The following NEMP2 variants were observed in gnomAD, a reference collection of about 807,000 sequenced individuals.
NEMP2 encodes UPF0571 transmembrane protein.
NEMP2 carries 53 observed loss-of-function variants against 54.2 expected under a neutral mutation model. The ratio of observed to expected loss-of-function variants is 0.98; its 90% CI spans 0.78 to 1.23. The LOEUF is 1.23. Among genes scored for constraint, NEMP2 ranks in the 50% most tolerant of loss-of-function variants. The probability of loss-of-function intolerance (pLI) is 0.00; values close to 1 mark genes in which losing one functional copy is unlikely to be tolerated. For synonymous variants in NEMP2, 197 were observed against 190.3 expected, an observed-to-expected ratio of 1.04 and a Z score of -0.29; for missense variants, 455 against 511.3, an observed-to-expected ratio of 0.89 and a Z score of 1.06.
At chr2:190,428,599 C>T in the NEMP2 span, among the ~76,000 whole-genome samples, 18 of 152,194 alleles carry the variant, frequency 1.2e-4, no homozygotes, top group African/African-American at 4.3e-4. Context: ...AAAAATGCTA[C>T]AATGTGCATC....
At chr2:190,608,781 A>G in the NEMP2 span, 4 of 152,244 alleles carry the variant, frequency 2.6e-5, no homozygotes, top group African/African-American at 9.6e-5. This position sits in a 1 kb window ranked among gnomAD's most constrained non-coding sequence, Gnocchi z 4.9. Context: ...ATTTTGAAGG[A>G]GCGAGAGAGA....
chr2:190,565,475 G>A, the NEMP2 span, among the ~76,000 whole-genome samples: 4 of 152,188 alleles, frequency 2.6e-5, no homozygotes, highest in Admixed American at 2.6e-4. Flanking sequence ...ACTTTGAGGT[G>A]GAGTTGAGAG....
chr2:190,623,833 A>G, the NEMP2 span, among the ~76,000 whole-genome samples: 1 of 152,340 alleles, frequency 6.6e-6, no homozygotes, highest in Admixed American at 6.5e-5. Context: ...CAAGTTTTAA[A>G]AAAACACAAA....
the NEMP2 span, among the ~76,000 whole-genome samples, chr2:190,441,578 C>A: frequency 6.6e-6 from 1 of 152,122 alleles, no homozygotes; most frequent in African/African-American, 2.4e-5. Context: ...CTAGTCCTCT[C>A]TCTGGCCTCT....
the NEMP2 span, among the ~76,000 whole-genome samples, chr2:190,621,783 C>A: frequency 1.3e-5 from 2 of 152,146 alleles, no homozygotes; most frequent in African/African-American, 4.8e-5. Context: ...CCTGTCAAGA[C>A]AATTCAAGGA....
the NEMP2 span, among the ~76,000 whole-genome samples, chr2:190,460,676 C>T: frequency 3.3e-5 from 5 of 152,192 alleles, no homozygotes; most frequent in African/African-American, 7.2e-5. Context: ...AGGAGAGGCA[C>T]GTGATGCTGC....
chr2:190,636,441 A>G, the NEMP2 span, among the ~76,000 whole-genome samples: 1 of 152,244 alleles, frequency 6.6e-6, no homozygotes. Context: ...AAAGTTTGGA[A>G]GAATACCATA....
chr2:190,431,728 G>A, the NEMP2 span, among the ~76,000 whole-genome samples: 1 of 151,858 alleles, frequency 6.6e-6, no homozygotes, highest in Non-Finnish European at 1.5e-5. This position sits in a 1 kb window ranked among gnomAD's most constrained non-coding sequence, Gnocchi z 4.4. Context: ...GGGAGAGGGA[G>A]GGAGAGGGAG....
Position 190,509,334 on chromosome 2 carries a change from ATAAAGT to A in NEMP2, c.1131-28_1131-23del, listed in dbSNP as rs773281851. On this transcript the variant is annotated intron_variant, in intron 8 of 8. Transcript: ENST00000409150. The surrounding 1 kb of genome is among the most constrained non-coding windows in gnomAD (Gnocchi z 6.1). ...AAATCTAACAAGTTTTTTGTTTTAA[ATAAAGT>A]TAATGTTATCTCAGGAAGGTTTATT... 69 of 1,550,162 alleles carry A rather than the reference ATAAAGT, an allele frequency of 4.5e-5. No individual in the cohort carries two copies. Among genetic ancestry groups the A allele is most frequent in the South Asian group, 2.5e-4 (21 of 84,014 alleles).
At chr2:190,490,049 A>G in the NEMP2 span, among the ~76,000 whole-genome samples, 1 of 152,196 alleles carries the variant, frequency 6.6e-6, no homozygotes, top group African/African-American at 2.4e-5. The surrounding 1 kb of genome is among the most constrained non-coding windows in gnomAD (Gnocchi z 4.5). Flanking sequence ...CTATGCAGAA[A>G]AAATATTGTT....
At chr2:190,628,629 C>T in the NEMP2 span, 1 of 152,258 alleles carries the variant, frequency 6.6e-6, no homozygotes, top group African/African-American at 2.4e-5. This position sits in a 1 kb window ranked among gnomAD's most constrained non-coding sequence, Gnocchi z 4.1. Context: ...CCTGGTTTCT[C>T]CAACAGGAAA....
chr2:190,499,129 CAG>C, the NEMP2 span, among the ~76,000 whole-genome samples: 4 of 152,118 alleles, frequency 2.6e-5, no homozygotes, highest in African/African-American at 7.2e-5. The surrounding 1 kb of genome is among the most constrained non-coding windows in gnomAD (Gnocchi z 6.0). Flanking sequence ...GCCTAGGCGA[CAG>C]AGTGAGACTC....
the NEMP2 span, among the ~76,000 whole-genome samples, chr2:190,643,797 C>T: frequency 6.6e-6 from 1 of 152,018 alleles, no homozygotes; most frequent in Non-Finnish European, 1.5e-5. Context: ...CATGGTGGCA[C>T]GCCTATAGTT....
rs1018301388 is a variant in NEMP2 at position 190,516,356 on chromosome 2, C to A, written c.641G>T (p.Gly214Val). ...KYSTFWALMV[G>V]CWFASVYIVC... ...AATATAAACTGAGGCAAACCAACAA[C>A]CAACCATTAGAGCCCAAAAGGTGCT... Residue 214 changes from glycine (G) to valine (V), a missense_variant, in exon 6 of 9, where the codon GGT becomes GTT. Physicochemically the swap from Gly to Val is moderately radical, Grantham distance 109. Around this residue, in one of 3 missense-constraint regions of NEMP2, gnomAD observed 294 missense variants for 333.6 expected, o/e 0.88. Transcript: ENST00000409150. 3 of 1,551,344 alleles carry A rather than the reference C, an allele frequency of 1.9e-6. No individual in the cohort carries two copies. Among genetic ancestry groups the A allele is most frequent in the South Asian group, 1.2e-5 (1 of 84,050 alleles).
the NEMP2 span, among the ~76,000 whole-genome samples, chr2:190,445,123 A>G: frequency 6.6e-6 from 1 of 152,132 alleles, no homozygotes; most frequent in African/African-American, 2.4e-5. Flanking sequence ...TAACTGGACA[A>G]TCTTGGGCCT....
At chr2:190,601,958 C>A in the NEMP2 span, among the ~76,000 whole-genome samples, 2 of 152,112 alleles carry the variant, frequency 1.3e-5, no homozygotes, top group Non-Finnish European at 2.9e-5. This position sits in a 1 kb window ranked among gnomAD's most constrained non-coding sequence, Gnocchi z 5.8. Flanking sequence ...CCACTTACAC[C>A]GAGGACTGTT....
the NEMP2 span, chr2:190,648,093 C>T: frequency 6.6e-6 from 1 of 152,204 alleles, no homozygotes; most frequent in Non-Finnish European, 1.5e-5. Flanking sequence ...GCCTTGGGAA[C>T]TCTAATTTAG....
the NEMP2 span, among the ~76,000 whole-genome samples, chr2:190,584,915 GA>G: frequency 4.4e-5 from 3 of 68,676 alleles, no homozygotes; most frequent in African/African-American, 1.3e-4. This position sits in a 1 kb window ranked among gnomAD's most constrained non-coding sequence, Gnocchi z 4.2. Flanking sequence ...AAGAAAGAAA[GA>G]AAGAAAGAAA....
the NEMP2 span, among the ~76,000 whole-genome samples, chr2:190,637,198 A>T: frequency 1.3e-5 from 2 of 152,240 alleles, no homozygotes; most frequent in African/African-American, 4.8e-5. The surrounding 1 kb of genome is among the most constrained non-coding windows in gnomAD (Gnocchi z 4.5). Context: ...GAAAGCATAA[A>T]TGTGCAGTTC....
Sources: allele counts gnomAD v4.1 joint callset (sites outside exome capture counted in the v4.1 genomes callset), GRCh38; gene constraint gnomAD v4.1.1; regional missense constraint gnomAD v4.1.1; non-coding constraint Gnocchi (gnomAD v3.1); transcripts MANE v1.5; gene names NCBI Gene and HGNC (gene_info 2026-07-23, HGNC 2026-07-21).